Variants in MXRA7 observed in about 807,000 individuals in gnomAD.
MXRA7 encodes the protein matrix-remodeling-associated protein 7.
MXRA7 carries 18 observed loss-of-function variants against 17.4 expected under a neutral mutation model. The observed-to-expected ratio is 1.03, with a 90% CI of 0.71 to 1.53. The LOEUF (loss-of-function observed/expected upper bound fraction) is 1.53, where lower values mean the gene tolerates loss of function less well. Ranked by LOEUF, MXRA7 falls within the 40% of genes most tolerant of loss-of-function variation. MXRA7 has a pLI of 0.00. For synonymous variants in MXRA7, 70 were observed against 101.7 expected (o/e 0.69, Z 1.87); for missense variants, 141 against 209.3 (o/e 0.67, Z 2.01).
chr17:76,676,133 C>T (rs1020896652), downstream of MXRA7: 1 of 152,172 alleles, frequency 6.6e-6, no homozygotes, highest in Non-Finnish European at 1.5e-5. Flanking sequence ...ACAATCCCCT[C>T]CGGTGTCACA....
At chr17:76,685,291 AT>A (rs1391538624) in intron 2 of MXRA7, 126 bp from the exon 3 acceptor site, 1 of 695,664 alleles carries the variant, frequency 1.4e-6, no homozygotes, top group African/African-American at 1.8e-5. Context: ...TATCAGAGAC[AT>A]CTCACCCCAG....
At chr17:76,692,099 C>T (rs893208632) in intron 1 of MXRA7, among the ~76,000 whole-genome samples, 3 of 151,930 alleles carry the variant, frequency 2.0e-5, no homozygotes, top group African/African-American at 2.4e-5. Context: ...CCTGTAATCA[C>T]AGCACATTGG....
At chr17:76,694,994 C>T (rs578219378) in intron 1 of MXRA7, among the ~76,000 whole-genome samples, 1 of 151,944 alleles carries the variant, frequency 6.6e-6, no homozygotes, top group African/African-American at 2.4e-5. Flanking sequence ...CCTGGGTCTA[C>T]TAAAAAATAA....
chr17:76,683,070 C>T (rs2076330023), intron 3 of MXRA7, among the ~76,000 whole-genome samples: 1 of 152,236 alleles, frequency 6.6e-6, no homozygotes, highest in African/African-American at 2.4e-5. Flanking sequence ...CAGCCGGAGG[C>T]CTGGTCTTTC....
chr17:76,702,858 A>ATATATATACGT lies in MXRA7; in HGVS notation c.342+7746_342+7747insACGTATATATA, dbSNP rs1555644735. 1.7e-3 allele frequency among the ~76,000 whole-genome samples: 94 copies of ATATATATACGT among 55,584 alleles called. 1 individual carries two copies. Among genetic ancestry groups the ATATATATACGT allele is most frequent in the East Asian group, 4.4e-3 (9 of 2,056 alleles). 36.5% of individuals were successfully genotyped at this position (55,584 alleles called of 152,430 possible). Reference sequence around the variant, plus strand: ...CAGAGCGAGACTACCTCTTAAAATAAATATATATATATACGTATATATATA... The same window carrying ATATATATACGT: ...CAGAGCGAGACTACCTCTTAAAATAATATATATACGTATATATATATATACGTATATATATA... On this transcript the variant is annotated intron_variant, in intron 1 of 3. Transcript: ENST00000449428.
chr17:76,676,211 A>C (rs1226002129), downstream of MXRA7: 1 of 152,220 alleles, frequency 6.6e-6, no homozygotes, highest in African/African-American at 2.4e-5. Context: ...CTTTCCCTGC[A>C]CACAGGCTTT....
At chr17:76,686,836 A>AT (rs2076404202) in intron 2 of MXRA7, among the ~76,000 whole-genome samples, 1 of 152,064 alleles carries the variant, frequency 6.6e-6, no homozygotes, top group African/African-American at 2.4e-5. Flanking sequence ...AGCTGGAGCC[A>AT]TAAACCTTTC....
At chr17:76,683,766 G>C in intron 3 of MXRA7, 1 of 976,176 alleles carries the variant, frequency 1.0e-6, no homozygotes. Flanking sequence ...AGGGGAGGTT[G>C]AGGCCGCGTC....
chr17:76,685,222 C>T (rs2076375337), intron 2 of MXRA7, 57 bp from the exon 3 acceptor site: 1 of 1,295,882 alleles, frequency 7.7e-7, no homozygotes, highest in Non-Finnish European at 1.1e-6. Flanking sequence ...GCCCCACAAA[C>T]CCCGGCCCCC....
At chr17:76,698,865 T>C (rs1001259100) in intron 1 of MXRA7, among the ~76,000 whole-genome samples, 2 of 151,706 alleles carry the variant, frequency 1.3e-5, no homozygotes, top group South Asian at 2.1e-4. Flanking sequence ...TGGAATTACA[T>C]GTGCATGCCA....
chr17:76,703,828 T>G (rs2076623256), intron 1 of MXRA7: 3 of 151,928 alleles, frequency 2.0e-5, no homozygotes, highest in African/African-American at 7.3e-5. Context: ...CTATGGCAAT[T>G]CAGAGGCAAC....
intron 1 of MXRA7, among the ~76,000 whole-genome samples, chr17:76,707,118 C>T (rs1441186602): frequency 6.6e-6 from 1 of 152,182 alleles, no homozygotes; most frequent in Non-Finnish European, 1.5e-5. Flanking sequence ...AAAAATGTCT[C>T]AATTATCTCC....
intron 1 of MXRA7, among the ~76,000 whole-genome samples, chr17:76,690,637 A>G (rs1465500327): frequency 6.6e-6 from 1 of 152,094 alleles, no homozygotes; most frequent in Non-Finnish European, 1.5e-5. Flanking sequence ...TTGGAAAAAA[A>G]AAAGTAGAAA....
chr17:76,700,364 C>T (rs7211963), intron 1 of MXRA7, among the ~76,000 whole-genome samples: 60,217 of 151,920 alleles, frequency 0.4, 12,807 homozygotes, highest in Middle Eastern at 0.51. Flanking sequence ...CTTGGATGAA[C>T]TGCTGGTATC....
chr17:76,680,706 G>C lies in MXRA7; in HGVS notation c.*161C>G, dbSNP rs1286625647. Reference sequence around the variant, plus strand: ...GTGTTCCCAGGATCCTGCTAGCCAAGGGACAAGTCCTGATTGAGGGTCTAG... The same window carrying C: ...GTGTTCCCAGGATCCTGCTAGCCAACGGACAAGTCCTGATTGAGGGTCTAG... On this transcript the variant is annotated 3_prime_UTR_variant, in exon 4 of 4. Transcript: ENST00000449428. The C allele has an allele frequency of 6.9e-7, 1 of 1,446,140 alleles. No homozygotes were observed. Among genetic ancestry groups the C allele is most frequent in the Non-Finnish European group, 9.1e-7 (1 of 1,098,730 alleles). 89.6% of individuals were successfully genotyped at this position (1,446,140 alleles called of 1,614,324 possible). A position where few individuals can be genotyped will look rare whatever the true frequency, so the allele number is the denominator to read the frequency against.
intron 1 of MXRA7, among the ~76,000 whole-genome samples, chr17:76,707,402 T>G (rs4789348): frequency 0.43 from 64,945 of 149,542 alleles, 14,227 homozygotes; most frequent in Non-Finnish European, 0.46. Flanking sequence ...GCCTCCTGGG[T>G]TCAAGTGATT....
exon 4 of MXRA7, chr17:76,673,466 C>T (rs962558359): frequency 3.1e-4 from 47 of 152,216 alleles, no homozygotes; most frequent in Non-Finnish European, 8.8e-5. Context: ...CAGCCTGATT[C>T]CATGTGGACT....
At chr17:76,688,002 C>T in intron 2 of MXRA7, 111 bp downstream of exon 2, 1 of 838,580 alleles carries the variant, frequency 1.2e-6, no homozygotes, top group East Asian at 2.7e-5. Context: ...GCCACTGTCC[C>T]ACCCCATCCC....
chr17:76,685,315 C>T, intron 2 of MXRA7, 150 bp from the exon 3 acceptor site: 4 of 635,246 alleles, frequency 6.3e-6, no homozygotes, highest in Non-Finnish European at 1.1e-5. Flanking sequence ...CCTATACCCC[C>T]TCTCGTTCCA....
Sources: allele counts gnomAD v4.1 joint callset (sites outside exome capture counted in the v4.1 genomes callset), GRCh38; gene constraint gnomAD v4.1.1; transcripts MANE v1.5; gene names NCBI Gene and HGNC (gene_info 2026-07-23, HGNC 2026-07-21).